Variants in TRAPPC9 observed in about 807,000 individuals in gnomAD.
TRAPPC9 encodes IKK2 binding protein.
TRAPPC9 carries 83 observed loss-of-function variants against 124.0 expected under a neutral mutation model. The ratio of observed to expected loss-of-function variants is 0.67; its 90% CI spans 0.56 to 0.80. The LOEUF (loss-of-function observed/expected upper bound fraction) is 0.80. Ranked by LOEUF, TRAPPC9 falls within the 30% of genes least tolerant of loss-of-function variation. TRAPPC9 has a pLI of 0.00. For synonymous variants in TRAPPC9, 638 were observed against 617.5 expected, an observed-to-expected ratio of 1.03 and a Z score of -0.49; for missense variants, 1,302 against 1,508.3, an observed-to-expected ratio of 0.86 and a Z score of 2.27.
chr8:139,969,095 G>A (rs1395846695), intron 19 of TRAPPC9, among the ~76,000 whole-genome samples: 6 of 152,256 alleles, frequency 3.9e-5, no homozygotes, highest in Non-Finnish European at 5.9e-5. Context: ...CACGTGGATC[G>A]TGCATGTCTA....
At chr8:140,219,643 ACCT>A (rs2063287743) in intron 17 of TRAPPC9, among the ~76,000 whole-genome samples, 1 of 151,042 alleles carries the variant, frequency 6.6e-6, no homozygotes, top group Non-Finnish European at 1.5e-5. Flanking sequence ...GTCTCCTCCC[ACCT>A]CCTCGTGTGG....
chr8:139,849,607 G>A (rs914744922), intron 21 of TRAPPC9, among the ~76,000 whole-genome samples: 2 of 152,298 alleles, frequency 1.3e-5, no homozygotes, highest in Admixed American at 6.5e-5. Flanking sequence ...AGAGTACTTC[G>A]TGTAATATTC....
At chr8:139,860,742 G>C (rs1029808842) in intron 21 of TRAPPC9, among the ~76,000 whole-genome samples, 4 of 152,234 alleles carry the variant, frequency 2.6e-5, no homozygotes, top group African/African-American at 9.6e-5. Context: ...ACTAAGCACA[G>C]ACCAATGCCT....
intron 21 of TRAPPC9, among the ~76,000 whole-genome samples, chr8:139,807,714 A>G (rs933529652): frequency 2.0e-5 from 3 of 152,186 alleles, no homozygotes; most frequent in African/African-American, 7.2e-5. Flanking sequence ...CACCCGAGAA[A>G]TTCTTTCTTT....
At chr8:140,162,644 T>C (rs2061770821) in intron 17 of TRAPPC9, among the ~76,000 whole-genome samples, 2 of 152,318 alleles carry the variant, frequency 1.3e-5, no homozygotes. Context: ...ATGGTGGTCA[T>C]GGTTGCACAG....
intron 21 of TRAPPC9, among the ~76,000 whole-genome samples, chr8:139,812,981 G>A (rs1484505366): frequency 6.6e-6 from 1 of 152,214 alleles, no homozygotes; most frequent in Non-Finnish European, 1.5e-5. Context: ...TCCACGCCTG[G>A]CCCTGACAGC....
intron 21 of TRAPPC9, among the ~76,000 whole-genome samples, chr8:139,755,978 C>A (rs78116362): frequency 0.16 from 1,802 of 10,952 alleles, 1 homozygote; most frequent in African/African-American, 0.23. Flanking sequence ...GGATGAGGAC[C>A]GCAGGTCGCA....
In TRAPPC9 at chr8:140,275,718, T is replaced by C; in HGVS notation, c.2218A>G (p.Asn740Asp). 1.9e-6 allele frequency: 3 copies of C among 1,614,174 alleles called. No homozygotes were observed. The highest frequency in any genetic ancestry group is 2.5e-6 in the Non-Finnish European group (3 of 1,180,004). Residue 740 changes from asparagine to aspartate, a missense_variant, in exon 15 of 23, where the codon AAT (asparagine) becomes GAT (aspartate). This residue lies in a region of TRAPPC9 where 640 missense variants were observed against 679.3 expected (regional missense o/e 0.94). Coordinates refer to ENST00000438773, the MANE Select transcript of TRAPPC9 (RefSeq NM_001160372.4). ...ESQQLIIKLE[N>D]IGMEPLEKLE... ...TTCTCCAATGGTTCCATTCCAATAT[T>C]TTCCAATTTAATGATTAGTTGCTGA...
At chr8:140,088,615 A>C (rs1470627442) in intron 17 of TRAPPC9, among the ~76,000 whole-genome samples, 3 of 152,234 alleles carry the variant, frequency 2.0e-5, no homozygotes, top group Admixed American at 6.5e-5. Context: ...TATTTTTCCT[A>C]ACAAGAAACT....
In TRAPPC9 at chr8:140,367,937, A is replaced by G. The variant is rs142906523; in HGVS notation, c.1351+3027T>C. On this transcript the variant is annotated intron_variant, in intron 8 of 22. Coordinates refer to ENST00000438773, the MANE Select transcript of TRAPPC9 (RefSeq NM_001160372.4). ...GAGACAGGTTCCATCCTATCCCTCC[A>G]GGGAACACCGAGGAAAAAGAAATTA... is the stretch of plus-strand genomic sequence containing the variant. Among the ~76,000 whole-genome samples, 82 of 152,338 alleles carry G rather than the reference A, an allele frequency of 5.4e-4. No homozygotes were observed. In the East Asian group the frequency reaches 0.015, roughly 28 times the overall value.
chr8:139,910,075 C>T (rs1831618629), intron 20 of TRAPPC9, 72 bp downstream of exon 20: 15 of 1,544,340 alleles, frequency 9.7e-6, no homozygotes, highest in South Asian at 9.1e-5. Context: ...AAGACCCTCA[C>T]GGGTCTTTCT....
intron 1 of TRAPPC9, among the ~76,000 whole-genome samples, chr8:140,454,289 A>C (rs2071573396): frequency 6.6e-6 from 1 of 151,348 alleles, no homozygotes; most frequent in South Asian, 2.1e-4. Flanking sequence ...ACTCCATCTC[A>C]AAAAAATTAA....
chr8:140,327,687 T>C (rs1431552187), intron 9 of TRAPPC9, among the ~76,000 whole-genome samples: 2 of 152,216 alleles, frequency 1.3e-5, no homozygotes, highest in Admixed American at 6.5e-5. Flanking sequence ...ACTCCACTTA[T>C]ATGAGGTACC....
intron 17 of TRAPPC9, among the ~76,000 whole-genome samples, chr8:140,207,118 A>G (rs1289708301): frequency 1.3e-5 from 2 of 152,304 alleles, no homozygotes; most frequent in Admixed American, 6.5e-5. Context: ...CATTCCCTGC[A>G]GTTGGGTTCT....
intron 5 of TRAPPC9, among the ~76,000 whole-genome samples, chr8:140,425,406 T>G (rs998112664): frequency 6.6e-6 from 1 of 152,222 alleles, no homozygotes; most frequent in Non-Finnish European, 1.5e-5. Context: ...AGAACCTTGA[T>G]GCACCCTTGA....
chr8:139,906,795 T>A (rs1238891847), intron 20 of TRAPPC9, among the ~76,000 whole-genome samples: 2 of 152,130 alleles, frequency 1.3e-5, no homozygotes, highest in African/African-American at 4.8e-5. Flanking sequence ...ACGCAGTGGC[T>A]CCTCAACCCA....
At chr8:139,810,997 TG>T (rs1379293945) in intron 21 of TRAPPC9, among the ~76,000 whole-genome samples, 2 of 152,188 alleles carry the variant, frequency 1.3e-5, no homozygotes, top group East Asian at 3.9e-4. Flanking sequence ...CACAGCCACT[TG>T]AGGACCACCT....
chr8:140,386,473 G>A (rs1294883143), intron 7 of TRAPPC9, among the ~76,000 whole-genome samples: 4 of 152,264 alleles, frequency 2.6e-5, no homozygotes, highest in Middle Eastern at 6.8e-3. Flanking sequence ...CAAAGTCTCA[G>A]GATAGAAAAT....
At chr8:140,044,311 T>C (rs1244438267) in intron 17 of TRAPPC9, among the ~76,000 whole-genome samples, 1 of 148,494 alleles carries the variant, frequency 6.7e-6, no homozygotes, top group African/African-American at 2.5e-5. Flanking sequence ...TGGGCTAGGA[T>C]ATGACATCCT....
Sources: allele counts gnomAD v4.1 joint callset (sites outside exome capture counted in the v4.1 genomes callset), GRCh38; gene constraint gnomAD v4.1.1; regional missense constraint gnomAD v4.1.1; transcripts MANE v1.5; gene names NCBI Gene and HGNC (gene_info 2026-07-23, HGNC 2026-07-21).